The following IL15 variants were observed in gnomAD, a reference collection of about 807,000 sequenced individuals.
IL15 encodes interleukin-15.
In IL15, 11 loss-of-function variants were observed where a neutral mutation model predicts 19.6. The observed-to-expected ratio is 0.56, with a 90% CI of 0.35 to 0.93. The LOEUF (loss-of-function observed/expected upper bound fraction) is 0.93. Among genes scored for constraint, IL15 ranks in the 40% least tolerant of loss-of-function variants. The pLI is 0.01. For synonymous variants in IL15, 58 were observed against 59.6 expected, an observed-to-expected ratio of 0.97 and a Z score of 0.12; for missense variants, 197 against 186.5, an observed-to-expected ratio of 1.06 and a Z score of -0.33.
chr4:141,646,682 A>T (rs376878003), intron 1 of IL15, among the ~76,000 whole-genome samples: 103 of 152,248 alleles, frequency 6.8e-4, no homozygotes, highest in Middle Eastern at 3.4e-3. Context: ...CAGCTTACAC[A>T]TAGTCTAATG....
At chr4:141,726,595 A>G (rs1730273707) in intron 5 of IL15, among the ~76,000 whole-genome samples, 1 of 152,166 alleles carries the variant, frequency 6.6e-6, no homozygotes, top group Non-Finnish European at 1.5e-5. Flanking sequence ...GTGCTCTTAG[A>G]CATTCATCCT....
chr4:141,695,888 T>C (rs1214299031), intron 2 of IL15, among the ~76,000 whole-genome samples: 1 of 152,084 alleles, frequency 6.6e-6, no homozygotes, highest in Non-Finnish European at 1.5e-5. Flanking sequence ...ATTTTCTCCT[T>C]TTCTGTATGT....
At chr4:141,693,016 C>CAAGAAAAAAAAAAAAA (rs1728968568) in intron 2 of IL15, among the ~76,000 whole-genome samples, 2 of 23,232 alleles carry the variant, frequency 8.6e-5, no homozygotes, top group Non-Finnish European at 7.7e-5. Context: ...GACTCCGTCT[C>CAAGAAAAAAAAAAAAA]AAAAAAAAAA....
intron 2 of IL15, among the ~76,000 whole-genome samples, chr4:141,705,541 G>C (rs1357158564): frequency 6.6e-6 from 1 of 151,994 alleles, no homozygotes; most frequent in Non-Finnish European, 1.5e-5. Context: ...CAGGTGAGAA[G>C]AATGTGTACT....
intron 2 of IL15, among the ~76,000 whole-genome samples, chr4:141,693,263 G>T (rs1047676434): frequency 3.3e-5 from 5 of 152,070 alleles, no homozygotes; most frequent in African/African-American, 1.2e-4. Flanking sequence ...AGAACAGCAT[G>T]AGGGATACTG....
At chr4:141,701,298 A>AT (rs1191125080) in intron 2 of IL15, among the ~76,000 whole-genome samples, 1 of 137,908 alleles carries the variant, frequency 7.3e-6, no homozygotes, top group Non-Finnish European at 1.6e-5. Flanking sequence ...TTTTTTTTTT[A>AT]TTTTTTCCCT....
rs1727592507 is a variant in IL15 at position 141,656,265 on chromosome 4, A to C, written c.-142A>C. ...CCATGCTGCTGACGTCACATGGAGC[A>C]CAGAAATCAATGTTAGCAGATAGCC... is the stretch of plus-strand genomic sequence containing the variant. On this transcript the variant is annotated 5_prime_UTR_variant, in exon 2 of 8. Transcript: ENST00000320650. 2 of 398,416 alleles carry C rather than the reference A, an allele frequency of 5.0e-6. No homozygotes were observed. The highest frequency in any genetic ancestry group is 2.5e-4 in the South Asian group (2 of 7,850). 24.7% of individuals were successfully genotyped at this position (398,416 alleles called of 1,614,324 possible). A position where few individuals can be genotyped will look rare whatever the true frequency, so the allele number is the denominator to read the frequency against.
At chr4:141,660,435 T>A (rs976286696) in intron 2 of IL15, among the ~76,000 whole-genome samples, 1 of 152,200 alleles carries the variant, frequency 6.6e-6, no homozygotes, top group Non-Finnish European at 1.5e-5. Context: ...GCTTTTAATT[T>A]TGTTTCTTAT....
At position 141,656,068 on chromosome 4, in the gene IL15, G is replaced by C. The variant is rs536565199; in HGVS notation, c.-221-118G>C. 9.4e-5 allele frequency: 37 copies of C among 394,698 alleles called. 1 individual carries two copies. In the South Asian group the frequency reaches 3.6e-3, roughly 38 times the overall value. The allele number at this position is 394,698 out of a possible 1,614,324, so 24.4% of individuals were successfully genotyped here. ...TTGACTTATGCAGTTTTCTCCATAT[G>C]AGTCTTCCTGTTTTTTTATAGCATG... On this transcript the variant is annotated intron_variant, in intron 1 of 7. Coordinates refer to ENST00000320650, the MANE Select transcript of IL15 (RefSeq NM_000585.5).
At chr4:141,639,727 G>A (rs1181577544) in intron 1 of IL15, among the ~76,000 whole-genome samples, 1 of 152,158 alleles carries the variant, frequency 6.6e-6, no homozygotes, top group African/African-American at 2.4e-5. Context: ...CACTTCTTTT[G>A]CTCGATATTA....
intron 1 of IL15, among the ~76,000 whole-genome samples, chr4:141,645,973 A>C (rs886644973): frequency 1.3e-5 from 2 of 152,088 alleles, no homozygotes; most frequent in African/African-American, 4.8e-5. Context: ...TAATCACTTA[A>C]GGCTTGGATA....
At chr4:141,659,675 T>C (rs923875841) in intron 2 of IL15, among the ~76,000 whole-genome samples, 3 of 152,242 alleles carry the variant, frequency 2.0e-5, no homozygotes, top group Non-Finnish European at 4.4e-5. Context: ...ACATTCTTTT[T>C]AAAAAAATTT....
At chr4:141,670,166 T>C (rs1285272872) in intron 2 of IL15, among the ~76,000 whole-genome samples, 1 of 151,736 alleles carries the variant, frequency 6.6e-6, no homozygotes, top group Non-Finnish European at 1.5e-5. Flanking sequence ...TTTCAGAAAA[T>C]TTCTAATTTC....
chr4:141,665,677 T>C (rs1055087661), intron 2 of IL15, among the ~76,000 whole-genome samples: 7 of 152,178 alleles, frequency 4.6e-5, no homozygotes, highest in African/African-American at 1.4e-4. Context: ...TCAATCTAGT[T>C]TTATTGATTT....
intron 2 of IL15, among the ~76,000 whole-genome samples, chr4:141,690,906 T>C (rs1470615089): frequency 6.6e-6 from 1 of 152,204 alleles, no homozygotes; most frequent in East Asian, 1.9e-4. Flanking sequence ...TTATTTCCAC[T>C]CTGCCAGGAA....
At chr4:141,709,302 A>G (rs182484435) in intron 2 of IL15, among the ~76,000 whole-genome samples, 19 of 152,260 alleles carry the variant, frequency 1.2e-4, no homozygotes, top group Admixed American at 5.2e-4. Flanking sequence ...TTTATTTTTA[A>G]TGCGCTATCA....
intron 1 of IL15, among the ~76,000 whole-genome samples, chr4:141,646,401 T>C (rs1422687073): frequency 6.6e-6 from 1 of 152,108 alleles, no homozygotes; most frequent in Admixed American, 6.6e-5. Context: ...AAGAGTCTTT[T>C]ACCTTGCTGT....
At chr4:141,683,831 G>A (rs568091568) in intron 2 of IL15, among the ~76,000 whole-genome samples, 10 of 152,250 alleles carry the variant, frequency 6.6e-5, no homozygotes, top group Middle Eastern at 3.4e-3. Context: ...CAGATGTTCT[G>A]GGGAAAAATG....
At chr4:141,716,585 G>T (rs1475074723) in intron 2 of IL15, 1 of 152,316 alleles carries the variant, frequency 6.6e-6, no homozygotes, top group Non-Finnish European at 1.5e-5. Flanking sequence ...CAGAGACTTT[G>T]CACAGGGGTA....
Sources: allele counts gnomAD v4.1 joint callset (sites outside exome capture counted in the v4.1 genomes callset), GRCh38; gene constraint gnomAD v4.1.1; transcripts MANE v1.5; gene names NCBI Gene and HGNC (gene_info 2026-07-23, HGNC 2026-07-21).